The following APBA2 variants were observed in gnomAD, a reference collection of about 807,000 sequenced individuals.
APBA2 encodes the protein amyloid-beta A4 precursor protein-binding family A member 2.
A neutral mutation model predicts 75.0 loss-of-function variants in APBA2; 30 were observed. The observed-to-expected ratio is 0.40, with a 90% CI of 0.30 to 0.54. APBA2 has a LOEUF of 0.54. Among genes scored for constraint, APBA2 ranks in the 20% least tolerant of loss-of-function variants. The pLI, the probability that APBA2 is intolerant of heterozygous loss-of-function variation, is 0.49. For missense variants in APBA2, 801 were observed against 1,016.1 expected (o/e 0.79, Z 2.88); for synonymous variants, 444 against 409.6 (o/e 1.08, Z -1.01).
chr15:28,968,459 G>A (rs1324224335), intron 2 of APBA2, among the ~76,000 whole-genome samples: 1 of 152,198 alleles, frequency 6.6e-6, no homozygotes. Flanking sequence ...TTGGATGGGT[G>A]CACTCCTGGT....
Position 28,940,412 on chromosome 15 carries a change from T to G in APBA2, c.-95+18663T>G, listed in dbSNP as rs1160209079. Among the ~76,000 whole-genome samples the G allele has an allele frequency of 7.7e-5, 11 of 142,678 alleles. 1 individual carries two copies. The South Asian group carries it at 2.5e-3, about 32-fold the overall frequency. 93.6% of individuals were successfully genotyped at this position (142,678 alleles called of 152,430 possible). On this transcript the variant is annotated intron_variant, in intron 2 of 14. Coordinates refer to ENST00000683413, the MANE Select transcript of APBA2 (RefSeq NM_001353788.2). ...ATAGCGGGGCGTGGTGGCAGGCACCTGTAGTCCCAGCTACTCCGAAGGCTG... is the reference window on the plus strand; with the variant it reads ...ATAGCGGGGCGTGGTGGCAGGCACCGGTAGTCCCAGCTACTCCGAAGGCTG...
chr15:28,968,148 C>T (rs1462957927), intron 2 of APBA2, among the ~76,000 whole-genome samples: 3 of 152,212 alleles, frequency 2.0e-5, no homozygotes, highest in African/African-American at 4.8e-5. Flanking sequence ...AATACTCCAC[C>T]GTATGTGTAG....
At chr15:28,959,178 G>A (rs1428636469) in intron 2 of APBA2, among the ~76,000 whole-genome samples, 2 of 152,084 alleles carry the variant, frequency 1.3e-5, no homozygotes, top group Non-Finnish European at 1.5e-5. Context: ...TAGTGGAGAC[G>A]GGGTTTCACC....
At chr15:29,110,967 C>CA (rs1201091152) in intron 13 of APBA2, among the ~76,000 whole-genome samples, 1 of 151,838 alleles carries the variant, frequency 6.6e-6, no homozygotes, top group African/African-American at 2.4e-5. Context: ...AAAGATGGGG[C>CA]AAGGTGGGTC....
At chr15:28,956,576 C>G (rs2036179367) in intron 2 of APBA2, among the ~76,000 whole-genome samples, 1 of 152,190 alleles carries the variant, frequency 6.6e-6, no homozygotes, top group Non-Finnish European at 1.5e-5. Context: ...ATACACATAA[C>G]ATAGGATTCA....
intron 6 of APBA2, among the ~76,000 whole-genome samples, chr15:29,083,539 G>T (rs959702791): frequency 1.3e-5 from 2 of 151,834 alleles, no homozygotes; most frequent in Non-Finnish European, 2.9e-5. Context: ...TGTTTGTTTT[G>T]TTTTGTTTTG....
chr15:28,933,313 G>T (rs932725212), intron 2 of APBA2, among the ~76,000 whole-genome samples: 7 of 151,604 alleles, frequency 4.6e-5, no homozygotes, highest in African/African-American at 1.7e-4. Context: ...TTTAAAAGAG[G>T]CTGCAGAGAG....
At position 28,991,040 on chromosome 15, in the gene APBA2, A is replaced by G. The variant is rs971942451; in HGVS notation, c.-94-4713A>G. Among the ~76,000 whole-genome samples, 5 of 152,228 alleles carry G rather than the reference A, an allele frequency of 3.3e-5. No homozygotes were observed. Among genetic ancestry groups the G allele is most frequent in the Non-Finnish European group, 7.3e-5 (5 of 68,050 alleles). ...CAGCTTCTTGCCCAGGAGAAAAATAATACATGCTCGTGTTTATAAATAAGA... is the reference window on the plus strand; with the variant it reads ...CAGCTTCTTGCCCAGGAGAAAAATAGTACATGCTCGTGTTTATAAATAAGA... On this transcript the variant is annotated intron_variant, in intron 2 of 14. Coordinates refer to ENST00000683413, the MANE Select transcript of APBA2 (RefSeq NM_001353788.2). The surrounding 1 kb of genome is among the most constrained non-coding windows in gnomAD (Gnocchi z 4.7).
intron 2 of APBA2, among the ~76,000 whole-genome samples, chr15:28,928,816 T>A (rs1566807770): frequency 6.6e-6 from 1 of 152,128 alleles, no homozygotes; most frequent in Non-Finnish European, 1.5e-5. Context: ...GAAAAGCCCA[T>A]GAAAGTTTTG....
intron 1 of APBA2, among the ~76,000 whole-genome samples, chr15:28,893,262 G>A (rs1763850343): frequency 6.6e-6 from 1 of 152,244 alleles, no homozygotes; most frequent in African/African-American, 2.4e-5. Context: ...GATGAGATGT[G>A]TGCAACTGTT....
intron 2 of APBA2, among the ~76,000 whole-genome samples, chr15:28,936,307 C>T (rs1320290957): frequency 1.3e-5 from 2 of 152,184 alleles, no homozygotes; most frequent in African/African-American, 4.8e-5. Context: ...CCTTCTGTGA[C>T]CCGCCAGCCA....
At chr15:29,089,002 C>T (rs1356534817) in intron 6 of APBA2, among the ~76,000 whole-genome samples, 14 of 152,198 alleles carry the variant, frequency 9.2e-5, no homozygotes, top group Non-Finnish European at 1.9e-4. Context: ...CTCCTCCAGA[C>T]CTCAGCTTAA....
chr15:28,951,977 C>G (rs1183309898), intron 2 of APBA2, among the ~76,000 whole-genome samples: 1 of 150,822 alleles, frequency 6.6e-6, no homozygotes. Flanking sequence ...TAATCTCCAC[C>G]TCATGGGTTC....
At chr15:28,925,487 AT>A (rs1313780629) in intron 2 of APBA2, among the ~76,000 whole-genome samples, 1 of 152,188 alleles carries the variant, frequency 6.6e-6, no homozygotes, top group Admixed American at 6.6e-5. Context: ...AGTGAAATCT[AT>A]CTTCCTTTTA....
rs1171149988 is a variant in APBA2, at chr15:29,101,836, C to T, written c.1524+52C>T. On this transcript the variant is annotated intron_variant, in intron 10 of 14. Coordinates refer to ENST00000683413, the MANE Select transcript of APBA2 (RefSeq NM_001353788.2). The stretch of plus-strand genomic sequence containing the variant: ...CCCTCCCAAAGTTCACAGCCCAGGG[C>T]GGCTCCAGGATCCAGGCGCTGTGGA... 1.2e-5 allele frequency: 19 copies of T among 1,581,488 alleles called. No individual in the cohort carries two copies. The Middle Eastern group carries it at 5.0e-4, about 41-fold the overall frequency.
At chr15:29,088,024 T>C (rs967680570) in intron 6 of APBA2, among the ~76,000 whole-genome samples, 1 of 151,926 alleles carries the variant, frequency 6.6e-6, no homozygotes, top group Non-Finnish European at 1.5e-5. Flanking sequence ...AATCTGGGAG[T>C]GGCAGCCTCA....
At chr15:29,084,615 A>C (rs1394424560) in intron 6 of APBA2, among the ~76,000 whole-genome samples, 9 of 152,220 alleles carry the variant, frequency 5.9e-5, no homozygotes, top group Non-Finnish European at 1.3e-4. Flanking sequence ...ATGCCATTAA[A>C]TATTTGTTTT....
chr15:28,888,673 C>T (rs1448207480), intron 1 of APBA2, among the ~76,000 whole-genome samples: 1 of 152,162 alleles, frequency 6.6e-6, no homozygotes, highest in Non-Finnish European at 1.5e-5. Flanking sequence ...CGAATGTCTT[C>T]GGCAGAGATC....
At chr15:29,003,554 C>T (rs2038959921) in intron 3 of APBA2, among the ~76,000 whole-genome samples, 1 of 152,170 alleles carries the variant, frequency 6.6e-6, no homozygotes, top group South Asian at 2.1e-4. Context: ...TTCAGTGGTG[C>T]ACTGAAACAG....
Sources: allele counts gnomAD v4.1 joint callset (sites outside exome capture counted in the v4.1 genomes callset), GRCh38; gene constraint gnomAD v4.1.1; non-coding constraint Gnocchi (gnomAD v3.1); transcripts MANE v1.5; gene names NCBI Gene and HGNC (gene_info 2026-07-23, HGNC 2026-07-21).